Variants in TNRC6A observed in about 807,000 individuals in gnomAD.
The protein encoded by TNRC6A is trinucleotide repeat containing adaptor 6A, also known as trinucleotide repeat-containing gene 6A protein.
Under a neutral mutation model 221.2 loss-of-function variants are expected in TNRC6A, and 44 were observed. The ratio of observed to expected loss-of-function variants is 0.20; its 90% confidence interval spans 0.16 to 0.26. The LOEUF is 0.26. TNRC6A is among the 10% of genes least tolerant of loss of function. The probability of loss-of-function intolerance (pLI) is 1.00; values close to 1 mark genes in which losing one functional copy is unlikely to be tolerated. For synonymous variants in TNRC6A, 847 were observed against 838.5 expected, an observed-to-expected ratio of 1.01 and a Z score of -0.18; for missense variants, 2,199 against 2,404.4, an observed-to-expected ratio of 0.91 and a Z score of 1.79.
At chr16:24,819,507 C>CTTTTTTTTTTTTTTTTTTTTTT (rs71383722) in intron 21 of TNRC6A, 7 of 81,806 alleles carry the variant, frequency 8.6e-5, no homozygotes, top group Non-Finnish European at 1.4e-4. Context: ...CTTTTTCTTT[C>CTTTTTTTTTTTTTTTTTTTTTT]TTTTTTTTTT....
At chr16:24,753,435 G>A (rs1279794770) in intron 3 of TNRC6A, among the ~76,000 whole-genome samples, 1 of 152,220 alleles carries the variant, frequency 6.6e-6, no homozygotes, top group East Asian at 1.9e-4. Context: ...GTTAAGTTTA[G>A]CAGGCTAGGC....
At chr16:24,644,148 G>A (rs1378587191) in intron 2 of TNRC6A, among the ~76,000 whole-genome samples, 12 of 136,752 alleles carry the variant, frequency 8.8e-5, no homozygotes, top group South Asian at 2.3e-4. Context: ...GTGCAGTGGC[G>A]CGATCTTGGC....
At chr16:24,789,168 A>G (rs1441949893) in intron 5 of TNRC6A, 64 bp from the exon 6 acceptor site, 9 of 1,453,726 alleles carry the variant, frequency 6.2e-6, no homozygotes, top group Non-Finnish European at 8.3e-6. Context: ...TTTTTCTTAG[A>G]TTTTAGTATC....
At chr16:24,806,134 G>C in intron 15 of TNRC6A, 72 bp from the exon 16 acceptor site, 1 of 1,564,998 alleles carries the variant, frequency 6.4e-7, no homozygotes, top group Non-Finnish European at 8.7e-7. Context: ...AGGTCCATCT[G>C]CTGTCGTCAT....
At position 24,816,962 on chromosome 16, in the gene TNRC6A, T is replaced by C; in HGVS notation, c.4972+6T>C. ...CCTCAGGGACAGGAACAGTGGTACG[T>C]AGGGGGTGCAAATCAATTTCTGAGT... On this transcript the variant is annotated splice_donor_region_variant and intron_variant, in intron 20 of 24. Coordinates refer to ENST00000395799, the MANE Select transcript of TNRC6A (RefSeq NM_014494.4). The C allele has an allele frequency of 1.2e-6, 2 of 1,609,152 alleles. No individual in the cohort carries two copies. Among genetic ancestry groups the C allele is most frequent in the Non-Finnish European group, 8.5e-7 (1 of 1,178,310 alleles).
chr16:24,801,209 G>GT (rs2058324988), intron 11 of TNRC6A, among the ~76,000 whole-genome samples: 1 of 152,192 alleles, frequency 6.6e-6, no homozygotes, highest in Non-Finnish European at 1.5e-5. Context: ...TATAGGAATA[G>GT]TTTGACTAGA....
intron 2 of TNRC6A, among the ~76,000 whole-genome samples, chr16:24,678,704 C>CA (rs894337657): frequency 1.3e-5 from 2 of 152,120 alleles, no homozygotes; most frequent in Non-Finnish European, 2.9e-5. Context: ...GACCCTGCCT[C>CA]AAAAAAGATT....
chr16:24,722,449 ATTTT>A (rs2056426493), intron 2 of TNRC6A, among the ~76,000 whole-genome samples: 1 of 151,206 alleles, frequency 6.6e-6, no homozygotes, highest in Non-Finnish European at 1.5e-5. Flanking sequence ...TTATTTATTT[ATTTT>A]GAAACAGAGT....
chr16:24,804,687 T>TTCTG lies in TNRC6A; in HGVS notation c.3838-11_3838-8dup, dbSNP rs745807173. On this transcript the variant is annotated splice_polypyrimidine_tract_variant and intron_variant, in intron 12 of 24. Transcript: ENST00000395799. Reference sequence around the variant, plus strand: ...TTTGCTTGGCTGGTGTTGCACATCTTTCTGTCTGTCCAATCAGGATGGCAT... The same window carrying TTCTG: ...TTTGCTTGGCTGGTGTTGCACATCTTTCTGTCTGTCTGTCCAATCAGGATGGCAT... The TTCTG allele has an allele frequency of 6.4e-7, 1 of 1,562,404 alleles. No homozygotes were observed. Among genetic ancestry groups the TTCTG allele is most frequent in the Non-Finnish European group, 8.6e-7 (1 of 1,161,536 alleles).
chr16:24,810,082 C>T (rs570640596), intron 18 of TNRC6A, among the ~76,000 whole-genome samples: 15 of 152,230 alleles, frequency 9.9e-5, no homozygotes, highest in African/African-American at 2.4e-4. Flanking sequence ...CAAAGTGCTG[C>T]GATTACAGGT....
chr16:24,812,053 T>A (rs1472647769), intron 18 of TNRC6A, among the ~76,000 whole-genome samples: 2 of 43,974 alleles, frequency 4.5e-5, no homozygotes, highest in Non-Finnish European at 1.0e-4. Context: ...TTTTTTTTTT[T>A]TTTTTTTTTT....
intron 2 of TNRC6A, among the ~76,000 whole-genome samples, chr16:24,744,560 T>A (rs577414163): frequency 1.3e-5 from 2 of 152,250 alleles, no homozygotes; most frequent in South Asian, 2.1e-4. Flanking sequence ...TGTTTGTAAT[T>A]TTTTATTAGC....
chr16:24,709,502 G>T (rs1299737305), intron 2 of TNRC6A, among the ~76,000 whole-genome samples: 1 of 152,028 alleles, frequency 6.6e-6, no homozygotes, highest in African/African-American at 2.4e-5. Flanking sequence ...TGAGTTTCAG[G>T]TCAAGGCTAA....
chr16:24,791,186 G>A lies in TNRC6A; in HGVS notation c.2544G>A (p.Gly848=), dbSNP rs757013447. The change falls in exon 6 of 25, where the codon GGG becomes GGA. Residue 848 remains glycine, a synonymous_variant. Transcript: ENST00000395799. ...GTGATGGACAAAAATCAAGCCAAGG[G>A]TGGTCTGTTTCTGCCAGTGATAACT... ...GWGDGQKSSQ[G]WSVSASDNWG... 3.7e-6 allele frequency: 6 copies of A among 1,614,114 alleles called. No individual in the cohort carries two copies. In the Admixed American group the frequency reaches 6.7e-5, roughly 18 times the overall value.
chr16:24,711,596 G>A (rs1567378480), intron 2 of TNRC6A, among the ~76,000 whole-genome samples: 1 of 151,978 alleles, frequency 6.6e-6, no homozygotes, highest in Non-Finnish European at 1.5e-5. Flanking sequence ...CTGTCCTTTT[G>A]GGGGAGTCTG....
intron 2 of TNRC6A, among the ~76,000 whole-genome samples, chr16:24,709,279 T>C (rs1298083020): frequency 1.3e-5 from 2 of 150,768 alleles, no homozygotes; most frequent in African/African-American, 4.9e-5. Flanking sequence ...AATGTTTGGG[T>C]GTGACTTTTT....
At chr16:24,734,705 G>C (rs2056723895) in intron 2 of TNRC6A, among the ~76,000 whole-genome samples, 1 of 152,146 alleles carries the variant, frequency 6.6e-6, no homozygotes, top group South Asian at 2.1e-4. Context: ...TTGCACAATA[G>C]ATAAAATATA....
intron 3 of TNRC6A, among the ~76,000 whole-genome samples, chr16:24,754,579 G>T (rs1252644803): frequency 3.9e-5 from 6 of 152,142 alleles, no homozygotes; most frequent in African/African-American, 1.4e-4. Flanking sequence ...AAAGGAGGGG[G>T]GTGACAGTAG....
At chr16:24,630,070 A>G (rs1214515348) in intron 1 of TNRC6A, among the ~76,000 whole-genome samples, 1 of 152,146 alleles carries the variant, frequency 6.6e-6, no homozygotes, top group Non-Finnish European at 1.5e-5. Context: ...ATTCTCACTT[A>G]CTATTTAATT....
Sources: allele counts gnomAD v4.1 joint callset (sites outside exome capture counted in the v4.1 genomes callset), GRCh38; gene constraint gnomAD v4.1.1; transcripts MANE v1.5; gene names NCBI Gene and HGNC (gene_info 2026-07-23, HGNC 2026-07-21).